ROR1: variants seen among roughly 807,000 people sequenced by gnomAD.
ROR1 encodes ROR family WNT receptor 1.
A neutral mutation model predicts 78.8 loss-of-function variants in ROR1; 19 were observed. The observed-to-expected ratio is 0.24, with a 90% CI of 0.17 to 0.35. The LOEUF is 0.35. ROR1 is among the 10% of genes least tolerant of loss of function. The pLI, the probability that ROR1 is intolerant of heterozygous loss-of-function variation, is 1.00. For synonymous variants in ROR1, 386 were observed against 433.6 expected (o/e 0.89, Z 1.36); for missense variants, 917 against 1,177.8 (o/e 0.78, Z 3.24).
chr1:63,968,761 A>G (rs1149260), intron 1 of ROR1, among the ~76,000 whole-genome samples: 152,164 of 152,298 alleles, frequency 1, 76,015 homozygotes, highest in Non-Finnish European at 1. Flanking sequence ...CCATGGCACT[A>G]CGGTTAAAGG....
intron 1 of ROR1, among the ~76,000 whole-genome samples, chr1:63,924,962 A>C (rs1645688497): frequency 6.7e-6 from 1 of 148,692 alleles, no homozygotes; most frequent in African/African-American, 2.5e-5. Context: ...TTTTTAAGAA[A>C]AAACTTCCTC....
At chr1:63,916,391 G>A (rs1645609856) in intron 1 of ROR1, among the ~76,000 whole-genome samples, 1 of 152,146 alleles carries the variant, frequency 6.6e-6, no homozygotes, top group South Asian at 2.1e-4. Flanking sequence ...AGGGATTGAG[G>A]AAAAGCCTAA....
At position 63,924,902 on chromosome 1, in the gene ROR1, G is replaced by GTTT. The variant is rs1645686888; in HGVS notation, c.92-84401_92-84399dup. On this transcript the variant is annotated intron_variant, in intron 1 of 8. Transcript: ENST00000371079. Reference sequence around the variant, plus strand: ...CATCAGCCCTTGAGAACGGTGGAAGGTTTTGCGGATTGGACCAGCAAAGGG... The same window carrying GTTT: ...CATCAGCCCTTGAGAACGGTGGAAGGTTTTTTTGCGGATTGGACCAGCAAAGGG... Among the ~76,000 whole-genome samples the GTTT allele has an allele frequency of 2.1e-5, 3 of 141,576 alleles. No individual in the cohort carries two copies. The South Asian group carries it at 7.0e-4, about 33-fold the overall frequency. The allele number at this position is 141,576 out of a possible 152,430, so 92.9% of individuals were successfully genotyped here. A position where few individuals can be genotyped will look rare whatever the true frequency, so the allele number is the denominator to read the frequency against.
chr1:63,972,268 A>G lies in ROR1; in HGVS notation c.92-37037A>G, dbSNP rs568137957. On this transcript the variant is annotated intron_variant, in intron 1 of 8. Coordinates refer to ENST00000371079, the MANE Select transcript of ROR1 (RefSeq NM_005012.4). ...AAAACAGCCCCATGAGGAATGTAGC[A>G]TTTTCATCCTCACTTTTCCGATGAG... 2.6e-4 allele frequency among the ~76,000 whole-genome samples: 39 copies of G among 152,252 alleles called. No homozygotes were observed. The East Asian group carries it at 4.6e-3, about 18-fold the overall frequency.
chr1:63,858,872 G>GT (rs1645163791), intron 1 of ROR1, among the ~76,000 whole-genome samples: 1 of 152,178 alleles, frequency 6.6e-6, no homozygotes, highest in African/African-American at 2.4e-5. Context: ...AAATGTGTGA[G>GT]TATGTGAATG....
At chr1:64,137,316 T>C in intron 4 of ROR1, 53 bp from the exon 5 acceptor site, 1 of 1,604,320 alleles carries the variant, frequency 6.2e-7, no homozygotes, top group East Asian at 2.2e-5. Flanking sequence ...GAGCTTGCTG[T>C]GCCCTGTATG....
chr1:64,173,584 G>A (rs947600447), intron 8 of ROR1, among the ~76,000 whole-genome samples: 5 of 152,184 alleles, frequency 3.3e-5, no homozygotes, highest in Admixed American at 1.3e-4. Context: ...AGTTGCAAGT[G>A]TGGCTCTTTC....
At chr1:63,993,092 C>A (rs1259000077) in intron 1 of ROR1, among the ~76,000 whole-genome samples, 1 of 152,126 alleles carries the variant, frequency 6.6e-6, no homozygotes, top group East Asian at 1.9e-4. Flanking sequence ...TTACAGTTCC[C>A]CAAATTAGTA....
At chr1:64,141,477 C>A (rs1028692963) in intron 6 of ROR1, among the ~76,000 whole-genome samples, 2 of 152,132 alleles carry the variant, frequency 1.3e-5, no homozygotes, top group African/African-American at 4.8e-5. Context: ...CTTCCGTGAT[C>A]CAGTCACCTC....
At chr1:64,047,401 T>A (rs958166832) in intron 2 of ROR1, among the ~76,000 whole-genome samples, 12 of 152,200 alleles carry the variant, frequency 7.9e-5, no homozygotes, top group African/African-American at 2.7e-4. Context: ...GCCCTGTTTA[T>A]TATTTTGGTT....
intron 1 of ROR1, among the ~76,000 whole-genome samples, chr1:63,828,470 T>C (rs1644968286): frequency 6.6e-6 from 1 of 152,160 alleles, no homozygotes; most frequent in Non-Finnish European, 1.5e-5. Context: ...GAGGATGACT[T>C]CTTGTTCATC....
chr1:64,122,748 T>C (rs189523927), intron 4 of ROR1, among the ~76,000 whole-genome samples: 1 of 152,320 alleles, frequency 6.6e-6, no homozygotes, highest in African/African-American at 2.4e-5. Flanking sequence ...TGGAATCTTC[T>C]CCTCTCCAGG....
At chr1:63,807,327 G>C (rs148552060) in intron 1 of ROR1, among the ~76,000 whole-genome samples, 30 of 152,290 alleles carry the variant, frequency 2.0e-4, no homozygotes, top group East Asian at 1.5e-3. Flanking sequence ...TGTCTCTCTG[G>C]GGGGAGCAGC....
chr1:64,027,284 T>G (rs191501111), intron 2 of ROR1, among the ~76,000 whole-genome samples: 1 of 152,350 alleles, frequency 6.6e-6, no homozygotes, highest in East Asian at 1.9e-4. Flanking sequence ...TTCCAGATCC[T>G]TCCCTCATAA....
intron 4 of ROR1, among the ~76,000 whole-genome samples, chr1:64,078,574 A>G (rs190277097): frequency 7.9e-5 from 12 of 152,284 alleles, no homozygotes; most frequent in Non-Finnish European, 1.6e-4. Context: ...TTCCTAGGGT[A>G]GGCTATGAGA....
intron 1 of ROR1, among the ~76,000 whole-genome samples, chr1:63,917,117 C>G (rs768639878): frequency 6.6e-6 from 1 of 152,138 alleles, no homozygotes; most frequent in Non-Finnish European, 1.5e-5. Flanking sequence ...ATCAGGTGAC[C>G]TCTTACATTG....
At chr1:63,967,093 A>G (rs1334623297) in intron 1 of ROR1, among the ~76,000 whole-genome samples, 2 of 152,204 alleles carry the variant, frequency 1.3e-5, no homozygotes, top group Non-Finnish European at 2.9e-5. Flanking sequence ...GAGAAGCTCA[A>G]ATGAAAGGAA....
At chr1:63,786,085 CA>C (rs1022903620) in intron 1 of ROR1, among the ~76,000 whole-genome samples, 3 of 151,858 alleles carry the variant, frequency 2.0e-5, no homozygotes, top group African/African-American at 7.3e-5. Context: ...CTGTGCTACC[CA>C]GCTCATCCCT....
chr1:63,917,892 G>C (rs566570524), intron 1 of ROR1, among the ~76,000 whole-genome samples: 2 of 152,186 alleles, frequency 1.3e-5, no homozygotes, highest in Non-Finnish European at 2.9e-5. Context: ...CAAAATGGCT[G>C]TCTTGGGATT....
Sources: allele counts gnomAD v4.1 joint callset (sites outside exome capture counted in the v4.1 genomes callset), GRCh38; gene constraint gnomAD v4.1.1; transcripts MANE v1.5; gene names NCBI Gene and HGNC (gene_info 2026-07-23, HGNC 2026-07-21).